The following MMAB variants were observed in gnomAD, a reference collection of about 807,000 sequenced individuals.
MMAB encodes the protein metabolism of cobalamin associated B, also known as corrinoid adenosyltransferase MMAB.
In MMAB, 17 loss-of-function variants were observed where a neutral mutation model predicts 30.6. The ratio of observed to expected loss-of-function variants is 0.56; its 90% CI spans 0.38 to 0.83. MMAB has a LOEUF of 0.83. Ranked by LOEUF, MMAB falls within the 40% of genes least tolerant of loss-of-function variation. MMAB has a pLI of 0.00. For missense variants in MMAB, 311 were observed against 331.6 expected (o/e 0.94, Z 0.48); for synonymous variants, 134 against 138.6 (o/e 0.97, Z 0.23).
chr12:109,561,391 G>A lies in MMAB; in HGVS notation c.519+29C>T, dbSNP rs549427097. On this transcript the variant is annotated intron_variant, in intron 6 of 8. Transcript: ENST00000545712. The surrounding 1 kb of genome is among the most constrained non-coding windows in gnomAD (Gnocchi z 5.3). The stretch of plus-strand genomic sequence containing the variant: ...TCTGTCACTGAACCTGCCTGCAGCC[G>A]CCCCCGGTTAAGCCTGCCCAGTACC... The A allele has an allele frequency of 2.1e-5, 33 of 1,546,596 alleles. No individual in the cohort carries two copies. The South Asian group carries it at 2.6e-4, about 12-fold the overall frequency.
intron 3 of MMAB, among the ~76,000 whole-genome samples, chr12:109,567,318 C>T (rs1884468790): frequency 6.6e-6 from 1 of 152,178 alleles, no homozygotes; most frequent in Non-Finnish European, 1.5e-5. Flanking sequence ...CTTGACAGAA[C>T]CGTAAACTGA....
In MMAB at chr12:109,561,988, A is replaced by G. The variant is rs2136200126; in HGVS notation, c.349-136T>C. On this transcript the variant is annotated intron_variant, in intron 4 of 8. Coordinates refer to ENST00000545712, the MANE Select transcript of MMAB (RefSeq NM_052845.4). This position sits in a 1 kb window ranked among gnomAD's most constrained non-coding sequence, Gnocchi z 5.3. ...TGAAGGGCTGTGATATGGTTTGGCA[A>G]TGTGTCCCCATCCAAATCTCATGTT... 4 of 739,040 alleles carry G rather than the reference A, an allele frequency of 5.4e-6. No homozygotes were observed. The South Asian group carries it at 6.0e-5, about 11-fold the overall frequency. The allele number at this position is 739,040 out of a possible 1,614,324, so 45.8% of individuals were successfully genotyped here. A position where few individuals can be genotyped will look rare whatever the true frequency, so the allele number is the denominator to read the frequency against.
intron 1 of MMAB, among the ~76,000 whole-genome samples, chr12:109,572,258 ATT>A (rs1185330465): frequency 3.3e-5 from 5 of 151,508 alleles, no homozygotes; most frequent in Non-Finnish European, 5.9e-5. Flanking sequence ...TATTATTATT[ATT>A]TTGAGATGGG....
chr12:109,572,332 C>T (rs1884673212), intron 1 of MMAB, among the ~76,000 whole-genome samples: 1 of 152,030 alleles, frequency 6.6e-6, no homozygotes, highest in Admixed American at 6.6e-5. Context: ...GCAACCTCTG[C>T]CTCCCAGGCT....
intron 3 of MMAB, among the ~76,000 whole-genome samples, chr12:109,567,473 T>C (rs1181169619): frequency 6.6e-6 from 1 of 152,146 alleles, no homozygotes; most frequent in Non-Finnish European, 1.5e-5. Flanking sequence ...CACCTGAGAC[T>C]GTTGCTGCTC....
At chr12:109,565,001 A>G (rs1884363458) in intron 4 of MMAB, 118 bp downstream of exon 4, 1 of 838,226 alleles carries the variant, frequency 1.2e-6, no homozygotes, top group Non-Finnish European at 2.1e-6. Flanking sequence ...AATGGAGCTC[A>G]CAGAGGGAGA....
chr12:109,569,647 G>C lies in MMAB; in HGVS notation c.197-784C>G, dbSNP rs564933011. ...GAGAAAGTGAAAACTGCCCCTGACA[G>C]TTTGGAGCTGGCTTTCGCTATCGGG... is the stretch of plus-strand genomic sequence containing the variant. On this transcript the variant is annotated intron_variant, in intron 2 of 8. Transcript: ENST00000545712. This position sits in a 1 kb window ranked among gnomAD's most constrained non-coding sequence, Gnocchi z 4.1. 6.6e-6 allele frequency among the ~76,000 whole-genome samples: 1 copy of C among 152,346 alleles called. No homozygotes were observed. Among genetic ancestry groups the C allele is most frequent in the African/African-American group, 2.4e-5 (1 of 41,570 alleles).
chr12:109,555,310 T>A lies in MMAB; in HGVS notation c.*1718A>T, dbSNP rs1566128410. ...TTTTTTTTTTTTTTTTGTGACGGAG[T>A]CTCACTCTATCAGCCAGGCTGGAGT... On this transcript the variant is annotated 3_prime_UTR_variant, in exon 9 of 9. Transcript: ENST00000545712. 2 of 418,238 alleles carry A rather than the reference T, an allele frequency of 4.8e-6. No individual in the cohort carries two copies. Among genetic ancestry groups the A allele is most frequent in the Non-Finnish European group, 9.2e-6 (2 of 216,344 alleles). The allele number at this position is 418,238 out of a possible 1,614,324, so 25.9% of individuals were successfully genotyped here.
At chr12:109,564,317 T>C (rs1303995653) in intron 4 of MMAB, among the ~76,000 whole-genome samples, 1 of 151,376 alleles carries the variant, frequency 6.6e-6, no homozygotes, top group East Asian at 1.9e-4. Context: ...TTTAGTACAA[T>C]CCTCCCCACT....
intron 2 of MMAB, 36 bp downstream of exon 2, chr12:109,571,613 G>T: frequency 6.3e-7 from 1 of 1,577,330 alleles, no homozygotes; most frequent in Non-Finnish European, 8.7e-7. Flanking sequence ...TATGCCATGA[G>T]TATTTCTTTG....
At position 109,556,780 on chromosome 12, in the gene MMAB, A is replaced by G. The variant is rs1412315245; in HGVS notation, c.*248T>C. 3.2e-6 allele frequency: 2 copies of G among 624,226 alleles called. No homozygotes were observed. The highest frequency in any genetic ancestry group is 5.9e-6 in the Non-Finnish European group (2 of 336,314). The allele number at this position is 624,226 out of a possible 1,614,324, so 38.7% of individuals were successfully genotyped here. ...CTTTACCTGTCTTTCCTGCAATGCC[A>G]ATTCATTCCCACATCCCTCCAAGAC... On this transcript the variant is annotated 3_prime_UTR_variant, in exon 9 of 9. Coordinates refer to ENST00000545712, the MANE Select transcript of MMAB (RefSeq NM_052845.4).
chr12:109,558,379 T>C lies in MMAB; in HGVS notation c.644+717A>G, dbSNP rs1470395028. Among the ~76,000 whole-genome samples the C allele has an allele frequency of 6.6e-6, 1 of 152,072 alleles. No homozygotes were observed. The highest frequency in any genetic ancestry group is 1.5e-5 in the Non-Finnish European group (1 of 68,000). On this transcript the variant is annotated intron_variant, in intron 8 of 8. Coordinates refer to ENST00000545712, the MANE Select transcript of MMAB (RefSeq NM_052845.4). The surrounding 1 kb of genome is among the most constrained non-coding windows in gnomAD (Gnocchi z 4.3). ...GCTCAGGACCCGTCAAAGCGCCATG[T>C]CTCTGGGAGGAGTGGCCACAGTCAA...
Position 109,555,216 on chromosome 12 carries a change from T to C in MMAB, c.*1812A>G, listed in dbSNP as rs926842077. On this transcript the variant is annotated 3_prime_UTR_variant, in exon 9 of 9. Coordinates refer to ENST00000545712, the MANE Select transcript of MMAB (RefSeq NM_052845.4). ...TTGAGGTGTAGACAGAATTGAGTGA[T>C]TCGCTGCAAGCTCTTTGAACATACT... is the stretch of plus-strand genomic sequence containing the variant. 1 of 452,604 alleles carries C rather than the reference T, an allele frequency of 2.2e-6. No homozygotes were observed. The highest frequency in any genetic ancestry group is 2.0e-5 in the African/African-American group (1 of 49,560). The allele number at this position is 452,604 out of a possible 1,614,324, so 28.0% of individuals were successfully genotyped here.
chr12:109,571,791 G>T, intron 1 of MMAB, 81 bp from the exon 2 acceptor site: 1 of 1,220,556 alleles, frequency 8.2e-7, no homozygotes, highest in South Asian at 1.2e-5. Flanking sequence ...GTCCCAGCTT[G>T]CTGCTTGTAA....
In MMAB at chr12:109,555,283, T is replaced by TTTTTGTTTGTTTG. The variant is rs1555273686; in HGVS notation, c.*1744_*1745insCAAACAAACAAAA. The TTTTTGTTTGTTTG allele has an allele frequency of 6.9e-3, 2,100 of 303,424 alleles. 92 individuals carry two copies. The African/African-American group carries it at 0.073, about 11-fold the overall frequency. The allele number at this position is 303,424 out of a possible 1,614,324, so 18.8% of individuals were successfully genotyped here. On this transcript the variant is annotated 3_prime_UTR_variant, in exon 9 of 9. Transcript: ENST00000545712. The stretch of plus-strand genomic sequence containing the variant: ...GTGATTGCGTTTTCAGGGTTTTTTT[T>TTTTTGTTTGTTTG]TTTTTTTTTTTTTTTTTGTGACGGA...
Position 109,561,383 on chromosome 12 carries a change from C to T in MMAB, c.519+37G>A. The T allele has an allele frequency of 6.5e-7, 1 of 1,547,318 alleles. No homozygotes were observed. The highest frequency in any genetic ancestry group is 8.7e-7 in the Non-Finnish European group (1 of 1,145,674). On this transcript the variant is annotated intron_variant, in intron 6 of 8. Coordinates refer to ENST00000545712, the MANE Select transcript of MMAB (RefSeq NM_052845.4). This position sits in a 1 kb window ranked among gnomAD's most constrained non-coding sequence, Gnocchi z 5.3. ...CATGTGTGTCTGTCACTGAACCTGC[C>T]TGCAGCCGCCCCCGGTTAAGCCTGC...
In MMAB at chr12:109,554,949, A is replaced by T. The variant is rs1489037896; in HGVS notation, c.*2079T>A. ...AGTGTTTGCTGGTGAACCGGGAGACAGATACAGAGGCGGGGGTCTGAGAAC... is the reference window on the plus strand; with the variant it reads ...AGTGTTTGCTGGTGAACCGGGAGACTGATACAGAGGCGGGGGTCTGAGAAC... On this transcript the variant is annotated 3_prime_UTR_variant, in exon 9 of 9. Transcript: ENST00000545712. 4.4e-6 allele frequency: 2 copies of T among 454,146 alleles called. No individual in the cohort carries two copies. The highest frequency in any genetic ancestry group is 3.1e-5 in the South Asian group (2 of 64,482). The allele number at this position is 454,146 out of a possible 1,614,324, so 28.1% of individuals were successfully genotyped here. A position where few individuals can be genotyped will look rare whatever the true frequency, so the allele number is the denominator to read the frequency against.
rs1333994858 is a variant in MMAB at position 109,560,531 on chromosome 12, G to A, written c.584+509C>T. Among the ~76,000 whole-genome samples, 4 of 152,336 alleles carry A rather than the reference G, an allele frequency of 2.6e-5. No homozygotes were observed. In the South Asian group the frequency reaches 6.2e-4, roughly 24 times the overall value. On this transcript the variant is annotated intron_variant, in intron 7 of 8. Transcript: ENST00000545712. ...CTTCTAAAGATTCCTTGAAAAGGCT[G>A]TCAGTAGCTTTGGAGGAGGTGGTGG...
rs1450393512 is a variant in MMAB at position 109,554,766 on chromosome 12, A to T, written c.*2262T>A. On this transcript the variant is annotated 3_prime_UTR_variant, in exon 9 of 9. Transcript: ENST00000545712. Reference sequence around the variant, plus strand: ...TTCTTTTGCCTCGGGCTCTTGATAGAGCTTTTGAAAGGCACTGCAGAAGAG... The same window carrying T: ...TTCTTTTGCCTCGGGCTCTTGATAGTGCTTTTGAAAGGCACTGCAGAAGAG... 1 of 454,144 alleles carries T rather than the reference A, an allele frequency of 2.2e-6. No individual in the cohort carries two copies. Among genetic ancestry groups the T allele is most frequent in the Non-Finnish European group, 4.4e-6 (1 of 226,800 alleles). 28.1% of individuals were successfully genotyped at this position (454,144 alleles called of 1,614,324 possible). A position where few individuals can be genotyped will look rare whatever the true frequency, so the allele number is the denominator to read the frequency against.
Sources: allele counts gnomAD v4.1 joint callset (sites outside exome capture counted in the v4.1 genomes callset), GRCh38; gene constraint gnomAD v4.1.1; non-coding constraint Gnocchi (gnomAD v3.1); transcripts MANE v1.5; gene names NCBI Gene and HGNC (gene_info 2026-07-23, HGNC 2026-07-21).